LYRM4: variants seen among roughly 807,000 people sequenced by gnomAD.
The protein encoded by LYRM4 is LYR motif-containing protein 4.
LYRM4 carries 9 observed loss-of-function variants against 11.7 expected under a neutral mutation model. That is an observed-to-expected ratio of 0.77 (90% CI 0.46 to 1.34). The LOEUF is 1.34. Among genes scored for constraint, LYRM4 ranks in the 40% most tolerant of loss-of-function variants. LYRM4 has a pLI of 0.00. For missense variants in LYRM4, 133 were observed against 112.5 expected (o/e 1.18, Z -0.82); for synonymous variants, 42 against 40.4 (o/e 1.04, Z -0.15).
the LYRM4 span, among the ~76,000 whole-genome samples, chr6:5,038,272 A>G: frequency 4.2e-5 from 2 of 47,086 alleles, 1 homozygote; most frequent in Non-Finnish European, 1.0e-4. Context: ...GGCGCTCCTC[A>G]CTTCCTAGAT....
the LYRM4 span, among the ~76,000 whole-genome samples, chr6:5,067,461 G>A: frequency 9.6e-4 from 146 of 152,338 alleles, no homozygotes; most frequent in African/African-American, 3.4e-3. Flanking sequence ...GCAAATTGAT[G>A]CTGGTTGGCT....
chr6:5,144,929 C>T lies in LYRM4; in HGVS notation c.208-35438G>A, dbSNP rs146143005. Among the ~76,000 whole-genome samples the T allele has an allele frequency of 2.0e-3, 308 of 152,330 alleles. 1 individual carries two copies. Among genetic ancestry groups the T allele is most frequent in the African/African-American group, 7.1e-3 (294 of 41,586 alleles). ...TTTGACGCGACATGGGAAGCAGGCG[C>T]AGGCCACAGAGTTTCTAGCAATGAG... On this transcript the variant is annotated intron_variant, in intron 2 of 2. Transcript: ENST00000330636.
Position 5,161,500 on chromosome 6 carries a change from C to G in LYRM4, c.208-52009G>C, listed in dbSNP as rs575736395. 5.3e-5 allele frequency among the ~76,000 whole-genome samples: 8 copies of G among 152,190 alleles called. No individual in the cohort carries two copies. The South Asian group carries it at 1.7e-3, about 32-fold the overall frequency. On this transcript the variant is annotated intron_variant, in intron 2 of 2. Coordinates refer to ENST00000330636, the MANE Select transcript of LYRM4 (RefSeq NM_020408.6). ...TTTGGAATAACTTATGAAATCAAAGCAGTATAGTACAAAATATTAAAATAT... is the reference window on the plus strand; with the variant it reads ...TTTGGAATAACTTATGAAATCAAAGGAGTATAGTACAAAATATTAAAATAT...
At chr6:5,079,454 C>T in the LYRM4 span, among the ~76,000 whole-genome samples, 1 of 152,328 alleles carries the variant, frequency 6.6e-6, no homozygotes, top group East Asian at 1.9e-4. Context: ...CTTCCAGCAT[C>T]TTCTCAATTG....
the LYRM4 span, chr6:5,066,903 C>A: frequency 8.6e-7 from 1 of 1,163,346 alleles, no homozygotes; most frequent in Non-Finnish European, 1.2e-6. Flanking sequence ...CGCTCCAGAC[C>A]CTAAAATGCA....
the LYRM4 span, among the ~76,000 whole-genome samples, chr6:5,095,451 C>T: frequency 6.6e-6 from 1 of 152,146 alleles, no homozygotes; most frequent in Non-Finnish European, 1.5e-5. Context: ...AAGTGAGGTA[C>T]AGAAACAACC....
chr6:5,137,134 C>T (rs1757145148), intron 2 of LYRM4, among the ~76,000 whole-genome samples: 2 of 152,302 alleles, frequency 1.3e-5, no homozygotes, highest in South Asian at 4.1e-4. Flanking sequence ...GCATAATGTT[C>T]TCAAGGGCCA....
intron 2 of LYRM4, among the ~76,000 whole-genome samples, chr6:5,157,215 C>G (rs1383936588): frequency 6.6e-6 from 1 of 152,206 alleles, no homozygotes; most frequent in Non-Finnish European, 1.5e-5. Flanking sequence ...TTCCCTAGAT[C>G]ATCAGGAATA....
At chr6:5,080,640 T>G in the LYRM4 span, among the ~76,000 whole-genome samples, 1 of 152,224 alleles carries the variant, frequency 6.6e-6, no homozygotes, top group African/African-American at 2.4e-5. Flanking sequence ...TTTGGTAATT[T>G]GGCAAATATT....
At chr6:5,053,904 C>T in the LYRM4 span, among the ~76,000 whole-genome samples, 3 of 152,120 alleles carry the variant, frequency 2.0e-5, no homozygotes, top group African/African-American at 4.8e-5. Context: ...CATTCTGCCC[C>T]AAAACAGGTA....
At chr6:5,227,032 G>C (rs1406831333) in intron 1 of LYRM4, among the ~76,000 whole-genome samples, 2 of 152,126 alleles carry the variant, frequency 1.3e-5, no homozygotes, top group Non-Finnish European at 2.9e-5. Flanking sequence ...GAAAAGAAGA[G>C]GGGTTGGATT....
intron 2 of LYRM4, among the ~76,000 whole-genome samples, chr6:5,197,396 G>A (rs1761122284): frequency 2.0e-5 from 3 of 152,284 alleles, no homozygotes; most frequent in East Asian, 3.9e-4. Context: ...ATATTTGGCC[G>A]GGCACGGTGG....
chr6:5,253,329 A>T (rs1475902852), intron 1 of LYRM4, among the ~76,000 whole-genome samples: 1 of 152,190 alleles, frequency 6.6e-6, no homozygotes, highest in Non-Finnish European at 1.5e-5. Context: ...TGCAAAAGGA[A>T]TGCAGTTTTT....
At chr6:5,142,119 G>A (rs900781944) in intron 2 of LYRM4, among the ~76,000 whole-genome samples, 1 of 152,200 alleles carries the variant, frequency 6.6e-6, no homozygotes, top group African/African-American at 2.4e-5. Flanking sequence ...TCTACTGAGT[G>A]AAGGGGTTTG....
chr6:5,136,741 C>G, intron 2 of LYRM4: 1 of 985,428 alleles, frequency 1.0e-6, no homozygotes. Context: ...AGGAGCAGCG[C>G]CTGTAGGAAG....
At chr6:5,209,072 T>C (rs974033172) in intron 2 of LYRM4, among the ~76,000 whole-genome samples, 1 of 152,160 alleles carries the variant, frequency 6.6e-6, no homozygotes. Flanking sequence ...TTGCCTCTGA[T>C]GGGTTTATTA....
At chr6:5,079,448 C>T in the LYRM4 span, among the ~76,000 whole-genome samples, 1 of 152,184 alleles carries the variant, frequency 6.6e-6, no homozygotes, top group Non-Finnish European at 1.5e-5. Flanking sequence ...AGAGGTCTTC[C>T]AGCATCTTCT....
intron 2 of LYRM4, chr6:5,138,698 G>C (rs1273355264): frequency 1.3e-6 from 2 of 1,529,846 alleles, no homozygotes; most frequent in South Asian, 2.4e-5. Flanking sequence ...AGATGCAATA[G>C]AAAACAAACC....
intron 2 of LYRM4, among the ~76,000 whole-genome samples, chr6:5,192,364 C>G (rs1230168321): frequency 3.3e-5 from 5 of 152,172 alleles, no homozygotes; most frequent in Admixed American, 2.6e-4. Flanking sequence ...AAGAGGACAG[C>G]ACACACTGCA....
Sources: allele counts gnomAD v4.1 joint callset (sites outside exome capture counted in the v4.1 genomes callset), GRCh38; gene constraint gnomAD v4.1.1; transcripts MANE v1.5; gene names NCBI Gene and HGNC (gene_info 2026-07-23, HGNC 2026-07-21).